UVRAG: variants seen among roughly 807,000 people sequenced by gnomAD.
UVRAG encodes UV radiation resistance associated, also known as UV radiation resistance-associated gene protein.
Under a neutral mutation model 78.0 loss-of-function variants are expected in UVRAG, and 19 were observed. The observed-to-expected ratio is 0.24, with a 90% CI of 0.17 to 0.36. The LOEUF is 0.36. Ranked by LOEUF, UVRAG falls within the 10% of genes least tolerant of loss-of-function variation. The pLI is 1.00. For synonymous variants in UVRAG, 323 were observed against 324.6 expected (o/e 1.00, Z 0.05); for missense variants, 740 against 853.8 (o/e 0.87, Z 1.66).
rs116574149 is a variant in UVRAG, at chr11:76,062,186, G to A, written c.1227-3524G>A. Among the ~76,000 whole-genome samples, 1,151 of 151,998 alleles carry A rather than the reference G, an allele frequency of 7.6e-3. 20 individuals carry two copies. Among genetic ancestry groups the A allele is most frequent in the African/African-American group, 0.027 (1,106 of 41,428 alleles). ...TCTCACCTCTGTGTTTCCTTATTACGATACTTACTAGATTGAGGGCCCACC... is the reference window on the plus strand; with the variant it reads ...TCTCACCTCTGTGTTTCCTTATTACAATACTTACTAGATTGAGGGCCCACC... On this transcript the variant is annotated intron_variant, in intron 12 of 14. Transcript: ENST00000356136.
chr11:75,815,404 C>T lies in UVRAG; in HGVS notation c.-4C>T. 8.1e-7 allele frequency: 1 copy of T among 1,240,510 alleles called. No individual in the cohort carries two copies. Among genetic ancestry groups the T allele is most frequent in the Non-Finnish European group, 1.0e-6 (1 of 988,880 alleles). The allele number at this position is 1,240,510 out of a possible 1,614,324, so 76.8% of individuals were successfully genotyped here. On this transcript the variant is annotated 5_prime_UTR_variant, in exon 1 of 15. Transcript: ENST00000356136. The stretch of plus-strand genomic sequence containing the variant: ...CCCCGCCGCTTGGCGGCCCCTGGAT[C>T]GAGATGAGCGCCTCCGCGTCGGTCG...
intron 13 of UVRAG, among the ~76,000 whole-genome samples, chr11:76,090,182 G>T (rs1951670085): frequency 6.6e-6 from 1 of 152,142 alleles, no homozygotes; most frequent in African/African-American, 2.4e-5. Context: ...ACTGTGGAGT[G>T]GTTCTGCCAG....
chr11:76,091,581 T>C (rs1213022248), intron 13 of UVRAG, among the ~76,000 whole-genome samples: 1 of 152,166 alleles, frequency 6.6e-6, no homozygotes, highest in Admixed American at 6.5e-5. Context: ...GTCTTTTTGT[T>C]CTACCTCTGG....
intron 14 of UVRAG, among the ~76,000 whole-genome samples, chr11:76,135,917 G>A (rs1952590465): frequency 6.6e-6 from 1 of 152,160 alleles, no homozygotes; most frequent in Non-Finnish European, 1.5e-5. Context: ...GTTGTCTAAG[G>A]GTTGAGGCTC....
At position 75,887,102 on chromosome 11, in the gene UVRAG, T is replaced by C. The variant is rs1469525208; in HGVS notation, c.433-1727T>C. On this transcript the variant is annotated intron_variant, in intron 4 of 14. Transcript: ENST00000356136. ...TGCCTCACTCAGCCTCCCTAGTAGC[T>C]GGAATTACAGATGTGCACTGCCACG... Among the ~76,000 whole-genome samples the C allele has an allele frequency of 2.0e-5, 3 of 151,362 alleles. No homozygotes were observed. The East Asian group carries it at 5.9e-4, about 30-fold the overall frequency.
At chr11:75,996,659 T>A (rs975930516) in intron 8 of UVRAG, among the ~76,000 whole-genome samples, 1 of 152,118 alleles carries the variant, frequency 6.6e-6, no homozygotes, top group African/African-American at 2.4e-5. Context: ...CAGTAAAGCT[T>A]ACTGGGGGCA....
At chr11:75,884,759 T>C (rs912513726) in intron 4 of UVRAG, among the ~76,000 whole-genome samples, 3 of 152,154 alleles carry the variant, frequency 2.0e-5, no homozygotes, top group African/African-American at 7.2e-5. Flanking sequence ...ATTTCTGTCT[T>C]AATGCCAATA....
intron 3 of UVRAG, 106 bp downstream of exon 3, chr11:75,861,886 T>C (rs1245989525): frequency 1.1e-6 from 1 of 927,066 alleles, no homozygotes; most frequent in Non-Finnish European, 1.7e-6. Flanking sequence ...TTTATGATAC[T>C]TTAACGGATC....
At chr11:75,919,101 C>A (rs967508493) in intron 6 of UVRAG, among the ~76,000 whole-genome samples, 10 of 152,188 alleles carry the variant, frequency 6.6e-5, no homozygotes, top group African/African-American at 2.4e-4. Context: ...AAAATGCTCA[C>A]AACCAATAAA....
At chr11:76,003,409 CG>C (rs1949860719) in intron 8 of UVRAG, among the ~76,000 whole-genome samples, 1 of 151,290 alleles carries the variant, frequency 6.6e-6, no homozygotes, top group Admixed American at 6.6e-5. Context: ...TTAGTAGAGA[CG>C]GGGTTTCACC....
At chr11:75,834,741 G>A (rs1466494680) in intron 1 of UVRAG, among the ~76,000 whole-genome samples, 1 of 152,130 alleles carries the variant, frequency 6.6e-6, no homozygotes. Flanking sequence ...TTGAACCTGG[G>A]AGGTGGAGGT....
intron 7 of UVRAG, among the ~76,000 whole-genome samples, chr11:75,965,802 T>A (rs1949010065): frequency 6.6e-6 from 1 of 152,228 alleles, no homozygotes; most frequent in Admixed American, 6.5e-5. Context: ...TATTAACTTA[T>A]TCATTATGCT....
At chr11:76,098,224 C>CAG (rs1396706533) in intron 13 of UVRAG, among the ~76,000 whole-genome samples, 1 of 152,062 alleles carries the variant, frequency 6.6e-6, no homozygotes, top group Non-Finnish European at 1.5e-5. Context: ...GTTTAAGAAA[C>CAG]AGTGTCCTTA....
At chr11:76,061,243 C>T (rs1249107772) in intron 12 of UVRAG, among the ~76,000 whole-genome samples, 1 of 152,150 alleles carries the variant, frequency 6.6e-6, no homozygotes. Flanking sequence ...TCTAGCTCAT[C>T]TAGTGGGGAG....
At chr11:75,833,479 C>T (rs1051807524) in intron 1 of UVRAG, among the ~76,000 whole-genome samples, 2 of 152,046 alleles carry the variant, frequency 1.3e-5, no homozygotes, top group African/African-American at 2.4e-5. Context: ...GTATGTATTT[C>T]CCGGAATAGG....
At chr11:75,905,917 T>A (rs1178345255) in intron 5 of UVRAG, among the ~76,000 whole-genome samples, 1 of 152,154 alleles carries the variant, frequency 6.6e-6, no homozygotes, top group African/African-American at 2.4e-5. Context: ...GACCAATACA[T>A]TCCTAATAGC....
At chr11:76,041,076 T>C (rs1950640253) in intron 12 of UVRAG, among the ~76,000 whole-genome samples, 2 of 152,046 alleles carry the variant, frequency 1.3e-5, no homozygotes, top group South Asian at 2.1e-4. Context: ...GAAAAAAAAT[T>C]CCAATGCAAG....
chr11:76,124,511 T>C (rs1194206687), intron 14 of UVRAG, among the ~76,000 whole-genome samples: 1 of 152,238 alleles, frequency 6.6e-6, no homozygotes, highest in Admixed American at 6.5e-5. Flanking sequence ...GGCCAACTTA[T>C]TTTGTTTTAG....
chr11:76,019,282 C>G (rs1024774388), intron 12 of UVRAG, among the ~76,000 whole-genome samples: 2 of 152,194 alleles, frequency 1.3e-5, no homozygotes, highest in African/African-American at 2.4e-5. Flanking sequence ...CACAAAACGG[C>G]TATTTTGAAT....
Sources: gnomAD v4.1 joint callset for allele counts (sites outside exome capture counted in the v4.1 genomes callset) on GRCh38, gnomAD v4.1.1 for gene constraint, MANE v1.5 for transcripts, NCBI Gene and HGNC (gene_info 2026-07-23, HGNC 2026-07-21) for gene names.